NRXN1: variants seen among roughly 807,000 people sequenced by gnomAD.
The protein encoded by NRXN1 is neurexin-1.
In NRXN1, 39 loss-of-function variants were observed where a neutral mutation model predicts 150.9. The observed-to-expected ratio is 0.26, with a 90% confidence interval of 0.20 to 0.34. NRXN1 has a LOEUF of 0.34. Among genes scored for constraint, NRXN1 ranks in the 10% least tolerant of loss-of-function variants. The pLI is 1.00. For missense variants in NRXN1, 1,815 were observed against 1,949.9 expected (o/e 0.93, Z 1.30); for synonymous variants, 924 against 757.0 (o/e 1.22, Z -3.62).
At chr2:50,618,552 G>A (rs1573813767) in intron 8 of NRXN1, among the ~76,000 whole-genome samples, 1 of 151,956 alleles carries the variant, frequency 6.6e-6, no homozygotes, top group African/African-American at 2.4e-5. Flanking sequence ...TGGTAGTTAA[G>A]AGCACAAGGA....
chr2:50,956,723 T>TATAATA (rs902039170), intron 2 of NRXN1, among the ~76,000 whole-genome samples: 1 of 151,170 alleles, frequency 6.6e-6, no homozygotes, highest in Non-Finnish European at 1.5e-5. Flanking sequence ...TCAAAAAATA[T>TATAATA]ATAATAATAA....
chr2:50,828,029 T>G (rs1220871723), intron 5 of NRXN1, among the ~76,000 whole-genome samples: 1 of 149,740 alleles, frequency 6.7e-6, no homozygotes, highest in East Asian at 2.0e-4. Flanking sequence ...AGGGCAACCA[T>G]CCGATTTCTC....
chr2:50,170,736 T>C (rs532009611), intron 18 of NRXN1, among the ~76,000 whole-genome samples: 4 of 151,238 alleles, frequency 2.6e-5, no homozygotes, highest in Non-Finnish European at 5.9e-5. Context: ...ATAAGGGACA[T>C]TGAGTCTCTC....
intron 21 of NRXN1, among the ~76,000 whole-genome samples, chr2:50,003,346 AGTATCTCTATTT>A (rs1410942023): frequency 1.3e-5 from 2 of 152,100 alleles, no homozygotes; most frequent in Admixed American, 1.3e-4. Context: ...ATTCTTGTTA[AGTATCTCTATTT>A]GTAATGCCAA....
intron 5 of NRXN1, among the ~76,000 whole-genome samples, chr2:50,899,964 T>C (rs1336411923): frequency 6.6e-6 from 1 of 152,112 alleles, no homozygotes; most frequent in African/African-American, 2.4e-5. Context: ...CACACAGAGG[T>C]ATTTTAAAAT....
intron 17 of NRXN1, among the ~76,000 whole-genome samples, chr2:50,441,886 C>G (rs2085984474): frequency 6.6e-6 from 1 of 152,138 alleles, no homozygotes; most frequent in South Asian, 2.1e-4. Context: ...CTATTCAATT[C>G]TGTATTGTCA....
chr2:50,292,401 C>T (rs1402871811), intron 17 of NRXN1, among the ~76,000 whole-genome samples: 2 of 152,056 alleles, frequency 1.3e-5, no homozygotes, highest in Non-Finnish European at 1.5e-5. Context: ...AAGTTTGATC[C>T]CTGATTTGAA....
intron 17 of NRXN1, among the ~76,000 whole-genome samples, chr2:50,427,087 G>A (rs549173418): frequency 1.3e-5 from 2 of 152,112 alleles, no homozygotes; most frequent in Non-Finnish European, 2.9e-5. Flanking sequence ...CAAACTAAAA[G>A]GGTGGATTCC....
chr2:50,576,714 G>A (rs1013362616), intron 8 of NRXN1, among the ~76,000 whole-genome samples: 9 of 151,892 alleles, frequency 5.9e-5, no homozygotes, highest in Admixed American at 2.6e-4. Context: ...GAATTTGTTC[G>A]TATCCAGCTG....
At chr2:50,071,403 G>T (rs1169633598) in intron 19 of NRXN1, among the ~76,000 whole-genome samples, 15 of 152,156 alleles carry the variant, frequency 9.9e-5, no homozygotes, top group Non-Finnish European at 1.5e-5. Context: ...GAGACTTTAA[G>T]GAGGTGATTA....
intron 17 of NRXN1, among the ~76,000 whole-genome samples, chr2:50,392,631 T>C (rs1351400619): frequency 6.6e-6 from 1 of 152,138 alleles, no homozygotes; most frequent in African/African-American, 2.4e-5. Flanking sequence ...TATACAGTAA[T>C]AGAGGACAAA....
At chr2:50,295,109 C>A (rs1452787283) in intron 17 of NRXN1, among the ~76,000 whole-genome samples, 1 of 152,128 alleles carries the variant, frequency 6.6e-6, no homozygotes, top group East Asian at 1.9e-4. Flanking sequence ...TGACTCTGTT[C>A]TTTTTCCTGT....
At chr2:50,182,348 G>A (rs56091116) in intron 18 of NRXN1, among the ~76,000 whole-genome samples, 1 of 151,982 alleles carries the variant, frequency 6.6e-6, no homozygotes, top group South Asian at 2.1e-4. Flanking sequence ...TAATGGAAAA[G>A]AATAAAGTTT....
At chr2:50,731,510 T>G (rs1347072998) in intron 5 of NRXN1, among the ~76,000 whole-genome samples, 2 of 152,096 alleles carry the variant, frequency 1.3e-5, no homozygotes, top group Admixed American at 1.3e-4. Context: ...ATGGAGAGGT[T>G]GAGTTACCTT....
At chr2:49,999,397 ATATATT>A (rs1167546799) in intron 21 of NRXN1, among the ~76,000 whole-genome samples, 4 of 152,156 alleles carry the variant, frequency 2.6e-5, no homozygotes, top group Admixed American at 2.0e-4. Flanking sequence ...TATGGAATTT[ATATATT>A]TATAACTTAT....
At chr2:50,420,904 T>C (rs1236392918) in intron 17 of NRXN1, among the ~76,000 whole-genome samples, 1 of 150,766 alleles carries the variant, frequency 6.6e-6, no homozygotes, top group Non-Finnish European at 1.5e-5. Flanking sequence ...AAGAATACAT[T>C]TGGATTCCTC....
chr2:50,260,884 C>T (rs1478675144), intron 17 of NRXN1, among the ~76,000 whole-genome samples: 4 of 151,678 alleles, frequency 2.6e-5, no homozygotes, highest in South Asian at 2.1e-4. Context: ...TCCTGTTCCT[C>T]TACGGCTCCT....
chr2:50,246,397 ATAGT>A (rs2066508014), intron 17 of NRXN1, among the ~76,000 whole-genome samples: 2 of 152,082 alleles, frequency 1.3e-5, no homozygotes, highest in South Asian at 2.1e-4. Context: ...TTTGCATCGC[ATAGT>A]TAAATAGAAG....
intron 17 of NRXN1, among the ~76,000 whole-genome samples, chr2:50,366,107 T>C (rs1276581707): frequency 1.3e-5 from 2 of 151,386 alleles, no homozygotes; most frequent in Middle Eastern, 3.2e-3. Context: ...AATAGGTTAG[T>C]TGGGTAAATA....
Sources: allele counts gnomAD v4.1 joint callset (sites outside exome capture counted in the v4.1 genomes callset), GRCh38; gene constraint gnomAD v4.1.1; transcripts MANE v1.5; gene names NCBI Gene and HGNC (gene_info 2026-07-23, HGNC 2026-07-21).